ANAPC15: variants seen among roughly 807,000 people sequenced by gnomAD.
ANAPC15 encodes anaphase-promoting complex subunit 15.
In ANAPC15, 13 loss-of-function variants were observed where a neutral mutation model predicts 19.8. The ratio of observed to expected loss-of-function variants is 0.66; its 90% confidence interval spans 0.43 to 1.04. The LOEUF (loss-of-function observed/expected upper bound fraction) is 1.04. Among genes scored for constraint, ANAPC15 ranks in the 50% least tolerant of loss-of-function variants. ANAPC15 has a pLI of 0.00. For missense variants in ANAPC15, 88 were observed against 150.3 expected, an observed-to-expected ratio of 0.59 and a Z score of 2.17; for synonymous variants, 45 against 50.7, an observed-to-expected ratio of 0.89 and a Z score of 0.47.
chr11:72,107,784 T>G, downstream of ANAPC15: 1 of 858,368 alleles, frequency 1.2e-6, no homozygotes, highest in South Asian at 1.7e-5. Flanking sequence ...GGAGGGCAGC[T>G]GGGGCTATGG....
At chr11:72,108,204 G>A, downstream of ANAPC15, 1 of 1,252,584 alleles carries the variant, frequency 8.0e-7, no homozygotes, top group Non-Finnish European at 1.1e-6. Flanking sequence ...CCCATCTAAG[G>A]AGAAGGAAGC....
chr11:72,108,825 G>C, downstream of ANAPC15: 1 of 1,550,576 alleles, frequency 6.4e-7, no homozygotes, highest in Non-Finnish European at 8.7e-7. Flanking sequence ...TATGCTAAGA[G>C]CTGTGGCCGC....
chr11:72,109,847 T>C lies in ANAPC15; in HGVS notation c.*34A>G, dbSNP rs1383827438. On this transcript the variant is annotated 3_prime_UTR_variant, in exon 6 of 6. Coordinates refer to ENST00000227618, the MANE Select transcript of ANAPC15 (RefSeq NM_014042.3). The stretch of plus-strand genomic sequence containing the variant: ...GGATGCAGGGTAGTTTGGGCTGGCC[T>C]GGAATCTCCCTGAGGCCACCCTGCC... The C allele has an allele frequency of 6.2e-7, 1 of 1,612,422 alleles. No homozygotes were observed. The highest frequency in any genetic ancestry group is 1.1e-5 in the South Asian group (1 of 91,000).
chr11:72,108,930 C>T (rs773983684), downstream of ANAPC15: 16 of 1,519,690 alleles, frequency 1.1e-5, no homozygotes, highest in South Asian at 2.0e-4. Flanking sequence ...GGCTGAGGTC[C>T]AGGCCCAGGG....
In ANAPC15 at chr11:72,110,542, A is replaced by G. The variant is rs905048896; in HGVS notation, c.180+2T>C. The G allele has an allele frequency of 9.3e-6, 15 of 1,613,978 alleles. No individual in the cohort carries two copies. Among genetic ancestry groups the G allele is most frequent in the Non-Finnish European group, 1.3e-5 (15 of 1,180,014 alleles). ...CAGGCCCCACCTGCTAGAGCCACTC[A>G]CCTCTGAGGCTGGCTTGCCAATAGG... is the stretch of plus-strand genomic sequence containing the variant. On this transcript the variant is annotated splice_donor_variant, in intron 4 of 5. Coordinates refer to ENST00000227618, the MANE Select transcript of ANAPC15 (RefSeq NM_014042.3). LOFTEE classifies it high-confidence loss of function.
chr11:72,110,685 A>AGCTCC, intron 3 of ANAPC15, 82 bp from the exon 4 acceptor site: 1 of 1,495,696 alleles, frequency 6.7e-7, no homozygotes. Flanking sequence ...TTCTGCCCAG[A>AGCTCC]AGACAACCCA....
chr11:72,109,592 A>G lies in ANAPC15; in HGVS notation c.*289T>C. The G allele has an allele frequency of 1.8e-6, 1 of 542,548 alleles. No homozygotes were observed. 33.6% of individuals were successfully genotyped at this position (542,548 alleles called of 1,614,324 possible). A position where few individuals can be genotyped will look rare whatever the true frequency, so the allele number is the denominator to read the frequency against. ...AAATAGGGAATAGACATGGGTGGAAAATCACTCCTTTGTCTTTATTAAAGA... is the reference window on the plus strand; with the variant it reads ...AAATAGGGAATAGACATGGGTGGAAGATCACTCCTTTGTCTTTATTAAAGA... On this transcript the variant is annotated 3_prime_UTR_variant, in exon 6 of 6. Transcript: ENST00000227618.
chr11:72,108,154 C>A (rs1169185978), downstream of ANAPC15: 4 of 1,455,290 alleles, frequency 2.7e-6, no homozygotes, highest in Non-Finnish European at 3.6e-6. Context: ...AGATTTTTGT[C>A]ACCCCAGGCC....
At chr11:72,110,760 C>A in intron 3 of ANAPC15, 157 bp from the exon 4 acceptor site, 6 of 696,382 alleles carry the variant, frequency 8.6e-6, no homozygotes, top group South Asian at 1.9e-5. Context: ...TGTCATCTGC[C>A]ATTTATGAAC....
chr11:72,107,567 G>GT, downstream of ANAPC15: 1 of 702,028 alleles, frequency 1.4e-6, no homozygotes. Context: ...TGGGATGGCT[G>GT]TGATACAGGC....
At chr11:72,111,045 A>G in intron 3 of ANAPC15, 112 bp downstream of exon 3, 1 of 782,908 alleles carries the variant, frequency 1.3e-6, no homozygotes, top group Non-Finnish European at 2.1e-6. Context: ...TTCCCAGCTC[A>G]GGGCAAAAAG....
At chr11:72,106,479 A>C (rs971336687), downstream of ANAPC15, 9 of 365,324 alleles carry the variant, frequency 2.5e-5, no homozygotes, top group African/African-American at 1.8e-4. Context: ...TGCTGGCCTC[A>C]AAGGAACCAT....
Position 72,109,849 on chromosome 11 carries a change from G to A in ANAPC15, c.*32C>T. The stretch of plus-strand genomic sequence containing the variant: ...ATGCAGGGTAGTTTGGGCTGGCCTG[G>A]AATCTCCCTGAGGCCACCCTGCCTT... On this transcript the variant is annotated 3_prime_UTR_variant, in exon 6 of 6. Transcript: ENST00000227618. 6.2e-7 allele frequency: 1 copy of A among 1,612,246 alleles called. No individual in the cohort carries two copies. The highest frequency in any genetic ancestry group is 8.5e-7 in the Non-Finnish European group (1 of 1,179,698).
At chr11:72,107,722 TGGAAAGATTCCA>T (rs1179091307), downstream of ANAPC15, 2 of 625,740 alleles carry the variant, frequency 3.2e-6, no homozygotes, top group Non-Finnish European at 5.6e-6. Context: ...TCAGATTTGT[TGGAAAGATTCCA>T]GGGCTGGTGT....
chr11:72,108,070 C>T, downstream of ANAPC15: 1 of 1,541,646 alleles, frequency 6.5e-7, no homozygotes, highest in Non-Finnish European at 8.8e-7. Flanking sequence ...CCACGCACGG[C>T]AGCAGTGGCT....
downstream of ANAPC15, among the ~76,000 whole-genome samples, chr11:72,108,353 T>G (rs1029755003): frequency 1.2e-4 from 18 of 152,160 alleles, no homozygotes; most frequent in Non-Finnish European, 2.4e-4. Flanking sequence ...CAAATTTGGG[T>G]CCAGCTCTTA....
At chr11:72,110,800 T>G (rs1399062964) in intron 3 of ANAPC15, 197 bp from the exon 4 acceptor site, 1 of 607,066 alleles carries the variant, frequency 1.6e-6, no homozygotes, top group African/African-American at 1.9e-5. Flanking sequence ...TCTCTGAGCC[T>G]TCTTTTTTTT....
downstream of ANAPC15, chr11:72,109,436 C>A: frequency 2.3e-6 from 1 of 433,988 alleles, no homozygotes; most frequent in Non-Finnish European, 4.6e-6. Flanking sequence ...GAACCCTGGA[C>A]CCAGGGCCAG....
intron 1 of ANAPC15, chr11:72,112,207 G>C (rs934724334): frequency 6.5e-6 from 1 of 153,804 alleles, no homozygotes; most frequent in Non-Finnish European, 1.5e-5. Context: ...TAGGCACGAC[G>C]GTAAACACCC....
Sources: gnomAD v4.1 joint callset for allele counts (sites outside exome capture counted in the v4.1 genomes callset) on GRCh38, gnomAD v4.1.1 for gene constraint, MANE v1.5 for transcripts, NCBI Gene and HGNC (gene_info 2026-07-23, HGNC 2026-07-21) for gene names.